The following TBK1 variants were observed in gnomAD, a reference collection of about 807,000 sequenced individuals.
The protein encoded by TBK1 is TANK binding kinase 1.
Under a neutral mutation model 99.9 loss-of-function variants are expected in TBK1, and 37 were observed. The observed-to-expected ratio is 0.37, with a 90% confidence interval of 0.28 to 0.49. TBK1 has a LOEUF of 0.49. Ranked by LOEUF, TBK1 falls within the 20% of genes least tolerant of loss-of-function variation. The probability of loss-of-function intolerance (pLI) is 0.98; values close to 1 mark genes in which losing one functional copy is unlikely to be tolerated. For missense variants in TBK1, 644 were observed against 872.5 expected, an observed-to-expected ratio of 0.74 and a Z score of 3.30; for synonymous variants, 258 against 279.8, an observed-to-expected ratio of 0.92 and a Z score of 0.78.
intron 5 of TBK1, among the ~76,000 whole-genome samples, chr12:64,468,663 C>T (rs144287187): frequency 2.0e-5 from 3 of 152,016 alleles, no homozygotes; most frequent in Non-Finnish European, 4.4e-5. Context: ...GGAAAAAAGA[C>T]AATTAACAAG....
chr12:64,484,499 A>C lies in TBK1; in HGVS notation c.1189A>C (p.Ile397Leu), dbSNP rs1213293514. ...LNTIGLIYEK[I>L]SLPKVHPRYD... ...TACCATAGGATTAATATATGAAAAA[A>C]GTAAGTTGGGATTTTTCTTGTCGTT... The change falls in exon 9 of 21, where the codon ATT becomes CTT. Residue 397 changes from isoleucine to leucine, a missense_variant and splice_region_variant. Physicochemically the swap from Ile to Leu is conservative, Grantham distance 5. Transcript: ENST00000331710. 6.3e-7 allele frequency: 1 copy of C among 1,593,700 alleles called. No individual in the cohort carries two copies.
chr12:64,473,209 G>A (rs537384678), intron 5 of TBK1, among the ~76,000 whole-genome samples: 1 of 152,260 alleles, frequency 6.6e-6, no homozygotes, highest in South Asian at 2.1e-4. Flanking sequence ...GATATCGAGA[G>A]AATAGTAGGA....
chr12:64,499,312 TG>T (rs1314122310), intron 20 of TBK1, among the ~76,000 whole-genome samples: 2 of 152,088 alleles, frequency 1.3e-5, no homozygotes, highest in Admixed American at 6.5e-5. Flanking sequence ...CCCAAAGTGC[TG>T]GGATTACAGG....
At chr12:64,482,885 G>T (rs560330760) in intron 8 of TBK1, among the ~76,000 whole-genome samples, 1 of 152,308 alleles carries the variant, frequency 6.6e-6, no homozygotes, top group South Asian at 2.1e-4. Context: ...ATGCATGACT[G>T]TACACATACA....
intron 10 of TBK1, 178 bp downstream of exon 10, chr12:64,485,691 TC>T (rs2040814083): frequency 4.4e-6 from 2 of 458,626 alleles, no homozygotes; most frequent in Admixed American, 4.2e-5. Context: ...TTTTATCCTT[TC>T]TTGAATTCAT....
At chr12:64,476,472 G>C (rs1268163592) in intron 6 of TBK1, among the ~76,000 whole-genome samples, 1 of 152,052 alleles carries the variant, frequency 6.6e-6, no homozygotes, top group East Asian at 1.9e-4. Context: ...GTCTTCTTTT[G>C]AGGAGAGTGT....
intron 13 of TBK1, among the ~76,000 whole-genome samples, chr12:64,490,366 T>C (rs1026150345): frequency 3.3e-5 from 5 of 152,192 alleles, no homozygotes; most frequent in Non-Finnish European, 5.9e-5. Context: ...ATAATTTAAA[T>C]AAATAAACTT....
intron 5 of TBK1, among the ~76,000 whole-genome samples, chr12:64,471,489 A>G (rs890679931): frequency 6.6e-6 from 1 of 152,050 alleles, no homozygotes; most frequent in Admixed American, 6.6e-5. Context: ...AGTAGCTGGG[A>G]TTACAGGTGT....
At chr12:64,494,213 G>T (rs1201380480) in intron 13 of TBK1, among the ~76,000 whole-genome samples, 2 of 151,920 alleles carry the variant, frequency 1.3e-5, no homozygotes, top group African/African-American at 4.8e-5. Flanking sequence ...TGTAATCCCA[G>T]CACTTTGGGA....
chr12:64,464,784 A>T (rs1271198360), intron 4 of TBK1, among the ~76,000 whole-genome samples: 2 of 152,204 alleles, frequency 1.3e-5, no homozygotes, highest in Non-Finnish European at 2.9e-5. Context: ...TGGGCAAAGG[A>T]TTCGCATAGA....
At chr12:64,456,556 A>AG (rs1415192947) in intron 2 of TBK1, among the ~76,000 whole-genome samples, 1 of 152,158 alleles carries the variant, frequency 6.6e-6, no homozygotes, top group Non-Finnish European at 1.5e-5. Context: ...AGAACCAAAA[A>AG]GGGGCCGGGC....
At chr12:64,499,119 C>A (rs2040961138) in intron 20 of TBK1, among the ~76,000 whole-genome samples, 1 of 136,254 alleles carries the variant, frequency 7.3e-6, no homozygotes, top group Non-Finnish European at 1.5e-5. Context: ...TCTCAGCTCA[C>A]TGTAACCTCT....
At chr12:64,456,361 T>A (rs1216939349) in intron 2 of TBK1, among the ~76,000 whole-genome samples, 4 of 152,146 alleles carry the variant, frequency 2.6e-5, no homozygotes, top group Admixed American at 1.3e-4. Flanking sequence ...CTCACAGGTG[T>A]TTCTGATAGG....
In TBK1 at chr12:64,474,447, G is replaced by T. The variant is rs568219043; in HGVS notation, c.701+57G>T. The T allele has an allele frequency of 3.5e-4, 537 of 1,515,828 alleles. 6 individuals are homozygous for T. Among genetic ancestry groups the T allele is most frequent in the Middle Eastern group, 1.7e-4 (1 of 5,772 alleles). The allele number at this position is 1,515,828 out of a possible 1,614,324, so 93.9% of individuals were successfully genotyped here. A position where few individuals can be genotyped will look rare whatever the true frequency, so the allele number is the denominator to read the frequency against. ...GCATTTAAAAAATGATTTCTGTCTT[G>T]GTTCATCTTATTGTTAGTGGTTTAT... On this transcript the variant is annotated intron_variant, in intron 6 of 20. Transcript: ENST00000331710.
At chr12:64,494,191 G>A (rs1381719028) in intron 13 of TBK1, among the ~76,000 whole-genome samples, 1 of 152,122 alleles carries the variant, frequency 6.6e-6, no homozygotes, top group Admixed American at 6.5e-5. Context: ...GCTGGGCACA[G>A]TGGCTCATAC....
intron 3 of TBK1, among the ~76,000 whole-genome samples, chr12:64,461,893 G>A (rs972469587): frequency 1.4e-4 from 21 of 152,198 alleles, no homozygotes; most frequent in African/African-American, 4.6e-4. Context: ...GACACAAAGC[G>A]TGGAATGTGG....
chr12:64,487,546 C>G (rs1237353990), intron 11 of TBK1, among the ~76,000 whole-genome samples: 1 of 152,022 alleles, frequency 6.6e-6, no homozygotes, highest in Non-Finnish European at 1.5e-5. Context: ...CTTGTTTTTA[C>G]TGGTTTCTGG....
chr12:64,485,870 T>G (rs1169851888), intron 10 of TBK1, 56 bp from the exon 11 acceptor site: 1 of 1,295,358 alleles, frequency 7.7e-7, no homozygotes, highest in Non-Finnish European at 1.0e-6. Context: ...TGTAAAAGTT[T>G]TTCTTACCCT....
intron 13 of TBK1, 131 bp from the exon 14 acceptor site, chr12:64,495,352 A>C (rs1277305519): frequency 1.7e-6 from 2 of 1,170,652 alleles, no homozygotes; most frequent in African/African-American, 3.1e-5. Context: ...TTAAAAATGG[A>C]AATAATTACT....
Sources: gnomAD v4.1 joint callset for allele counts (sites outside exome capture counted in the v4.1 genomes callset) on GRCh38, gnomAD v4.1.1 for gene constraint, MANE v1.5 for transcripts, NCBI Gene and HGNC (gene_info 2026-07-23, HGNC 2026-07-21) for gene names.